Variants in GABRG3 observed in about 807,000 individuals in gnomAD.
GABRG3 encodes gamma-aminobutyric acid type A receptor subunit gamma3, also known as gamma-aminobutyric acid receptor subunit gamma-3.
Under a neutral mutation model 48.8 loss-of-function variants are expected in GABRG3, and 25 were observed. That is an observed-to-expected ratio of 0.51 (90% CI 0.37 to 0.72). The LOEUF (loss-of-function observed/expected upper bound fraction) is 0.72, where lower values mean the gene tolerates loss of function less well. Among genes scored for constraint, GABRG3 ranks in the 30% least tolerant of loss-of-function variants. GABRG3 has a pLI of 0.00. For synonymous variants in GABRG3, 227 were observed against 217.6 expected, an observed-to-expected ratio of 1.04 and a Z score of -0.38; for missense variants, 394 against 577.9, an observed-to-expected ratio of 0.68 and a Z score of 3.26.
intron 3 of GABRG3, among the ~76,000 whole-genome samples, chr15:27,061,461 T>G (rs1446149679): frequency 7.0e-6 from 1 of 143,770 alleles, no homozygotes; most frequent in Admixed American, 7.0e-5. Context: ...TTTTTTTTTT[T>G]GTTAAAATTA....
Position 27,307,893 on chromosome 15 carries a change from T to C in GABRG3, c.271-18916T>C, listed in dbSNP as rs1024149043. On this transcript the variant is annotated intron_variant, in intron 3 of 9. Transcript: ENST00000615808. ...TAAATGTATATGTTTATATATAAAATATATATAAAATAAACATGTTTATAT... is the reference window on the plus strand; with the variant it reads ...TAAATGTATATGTTTATATATAAAACATATATAAAATAAACATGTTTATAT... Among the ~76,000 whole-genome samples, 5 of 136,198 alleles carry C rather than the reference T, an allele frequency of 3.7e-5. 1 individual carries two copies. Among genetic ancestry groups the C allele is most frequent in the Admixed American group, 7.9e-5 (1 of 12,642 alleles). 89.4% of individuals were successfully genotyped at this position (136,198 alleles called of 152,430 possible).
intron 6 of GABRG3, among the ~76,000 whole-genome samples, chr15:27,514,126 A>G (rs932628591): frequency 6.6e-6 from 1 of 152,240 alleles, no homozygotes; most frequent in Non-Finnish European, 1.5e-5. Context: ...TTTTATAAGC[A>G]CAAAGACCGA....
chr15:27,227,402 G>C (rs202082702), intron 3 of GABRG3, among the ~76,000 whole-genome samples: 5 of 152,094 alleles, frequency 3.3e-5, no homozygotes, highest in Admixed American at 1.3e-4. Context: ...GGAGGCTGAG[G>C]GGGGAGGATC....
At chr15:27,026,943 C>A in intron 3 of GABRG3, 122 bp downstream of exon 3, 3 of 575,296 alleles carry the variant, frequency 5.2e-6, no homozygotes, top group Non-Finnish European at 8.9e-6. Flanking sequence ...CTTCTTAAAT[C>A]TGTAACACTT....
chr15:27,453,160 G>C (rs955344713), intron 5 of GABRG3, among the ~76,000 whole-genome samples: 1 of 152,164 alleles, frequency 6.6e-6, no homozygotes, highest in Non-Finnish European at 1.5e-5. Context: ...GAAAATGTTG[G>C]TCAAACTGTA....
intron 3 of GABRG3, among the ~76,000 whole-genome samples, chr15:27,059,082 T>A (rs1052632111): frequency 8.5e-5 from 13 of 152,354 alleles, no homozygotes; most frequent in African/African-American, 3.1e-4. Context: ...ATATAAGAAC[T>A]CTGAAGTGAG....
chr15:27,044,232 T>C (rs1346249825), intron 3 of GABRG3, among the ~76,000 whole-genome samples: 1 of 152,084 alleles, frequency 6.6e-6, no homozygotes, highest in Non-Finnish European at 1.5e-5. Flanking sequence ...GGAGGGGAGA[T>C]ATTCAGGAGT....
intron 3 of GABRG3, among the ~76,000 whole-genome samples, chr15:27,308,109 T>C (rs1486069433): frequency 3.0e-5 from 4 of 131,930 alleles, no homozygotes; most frequent in East Asian, 2.2e-4. Flanking sequence ...CATATATGTT[T>C]ATACATCCAA....
At chr15:27,338,587 G>T (rs1233596187) in intron 5 of GABRG3, among the ~76,000 whole-genome samples, 1 of 152,170 alleles carries the variant, frequency 6.6e-6, no homozygotes, top group East Asian at 1.9e-4. Flanking sequence ...GATTCTCCAT[G>T]CATCGCAGGA....
At chr15:27,327,487 G>A (rs993042698) in intron 4 of GABRG3, among the ~76,000 whole-genome samples, 1 of 152,164 alleles carries the variant, frequency 6.6e-6, no homozygotes, top group Admixed American at 6.5e-5. Context: ...AACCCAGAGA[G>A]GTAAGGGAAA....
chr15:27,477,392 G>A lies in GABRG3; in HGVS notation c.575-3258G>A, dbSNP rs12899896. Among the ~76,000 whole-genome samples the A allele has an allele frequency of 4.1e-3, 621 of 152,250 alleles. 3 individuals carry two copies. The highest frequency in any genetic ancestry group is 5.3e-3 in the Non-Finnish European group (363 of 68,024). ...AAGAAAAACCATGGAGACGGTAAAA[G>A]GATCAGTAGTTGCTGCAGGGAAGGG... On this transcript the variant is annotated intron_variant, in intron 5 of 9. Coordinates refer to ENST00000615808, the MANE Select transcript of GABRG3 (RefSeq NM_033223.5).
chr15:27,073,096 G>C (rs1330130161), intron 3 of GABRG3, among the ~76,000 whole-genome samples: 1 of 152,202 alleles, frequency 6.6e-6, no homozygotes, highest in Non-Finnish European at 1.5e-5. Flanking sequence ...GTGACTTGAT[G>C]TGTCCAGGGA....
intron 5 of GABRG3, among the ~76,000 whole-genome samples, chr15:27,455,129 C>A (rs1425799526): frequency 6.6e-6 from 1 of 152,154 alleles, no homozygotes; most frequent in Admixed American, 6.5e-5. Flanking sequence ...TCATTGAAGT[C>A]ATTTTCCCTT....
chr15:27,199,721 C>G (rs1888619457), intron 3 of GABRG3, among the ~76,000 whole-genome samples: 1 of 152,158 alleles, frequency 6.6e-6, no homozygotes, highest in South Asian at 2.1e-4. Flanking sequence ...CAAGCAGATG[C>G]CAGTGCCTTG....
rs924531708 is a variant in GABRG3 at position 27,346,178 on chromosome 15, G to A, written c.574+17290G>A. ...AAGAAATTCTATATTTCTCTTTTGA[G>A]GGATAATTTATCTGGATATTGAATT... On this transcript the variant is annotated intron_variant, in intron 5 of 9. Transcript: ENST00000615808. 4.6e-5 allele frequency among the ~76,000 whole-genome samples: 7 copies of A among 152,176 alleles called. No homozygotes were observed. The South Asian group carries it at 1.5e-3, about 32-fold the overall frequency.
intron 3 of GABRG3, among the ~76,000 whole-genome samples, chr15:27,186,902 T>G (rs1888115655): frequency 6.6e-6 from 1 of 152,224 alleles, no homozygotes; most frequent in Non-Finnish European, 1.5e-5. Flanking sequence ...TAGTTTCTCT[T>G]GCTGTGCAGA....
chr15:27,106,200 G>A (rs541319911), intron 3 of GABRG3, among the ~76,000 whole-genome samples: 90 of 152,146 alleles, frequency 5.9e-4, no homozygotes, highest in Non-Finnish European at 1.0e-3. Flanking sequence ...GTTTCTAGAC[G>A]TCTAATGCAT....
At chr15:27,155,503 A>C (rs1324485942) in intron 3 of GABRG3, among the ~76,000 whole-genome samples, 2 of 152,166 alleles carry the variant, frequency 1.3e-5, no homozygotes, top group Non-Finnish European at 1.5e-5. Flanking sequence ...TTGAAAACTG[A>C]ACATTTCAGA....
At chr15:27,312,931 A>G (rs1022078405) in intron 3 of GABRG3, among the ~76,000 whole-genome samples, 4 of 151,690 alleles carry the variant, frequency 2.6e-5, no homozygotes, top group African/African-American at 9.7e-5. Context: ...GTTAAAAAAA[A>G]GTATAAAATA....
Sources: allele counts gnomAD v4.1 joint callset (sites outside exome capture counted in the v4.1 genomes callset), GRCh38; gene constraint gnomAD v4.1.1; transcripts MANE v1.5; gene names NCBI Gene and HGNC (gene_info 2026-07-23, HGNC 2026-07-21).